Variants in NAT10 observed in about 807,000 individuals in gnomAD.
The protein encoded by NAT10 is RNA cytidine acetyltransferase.
NAT10 carries 109 observed loss-of-function variants against 132.2 expected under a neutral mutation model. The ratio of observed to expected loss-of-function variants is 0.82; its 90% CI spans 0.71 to 0.97. The LOEUF is 0.97. Among genes scored for constraint, NAT10 ranks in the 50% least tolerant of loss-of-function variants. The pLI, the probability that NAT10 is intolerant of heterozygous loss-of-function variation, is 0.00. For synonymous variants in NAT10, 479 were observed against 478.0 expected, an observed-to-expected ratio of 1.00 and a Z score of -0.03; for missense variants, 1,184 against 1,263.4, an observed-to-expected ratio of 0.94 and a Z score of 0.95.
At chr11:34,140,295 C>G in intron 23 of NAT10, 105 bp from the exon 24 acceptor site, 1 of 1,082,382 alleles carries the variant, frequency 9.2e-7, no homozygotes. Context: ...GGCTGCCAGG[C>G]CCTGTTAGAT....
rs1852020844 is a variant in NAT10 at position 34,127,672 on chromosome 11, G to T, written c.1244+73G>T. 6 of 1,523,430 alleles carry T rather than the reference G, an allele frequency of 3.9e-6. No individual in the cohort carries two copies. The African/African-American group carries it at 6.9e-5, about 17-fold the overall frequency. The allele number at this position is 1,523,430 out of a possible 1,614,324, so 94.4% of individuals were successfully genotyped here. A position where few individuals can be genotyped will look rare whatever the true frequency, so the allele number is the denominator to read the frequency against. The stretch of plus-strand genomic sequence containing the variant: ...AGATTTAGGGGCATGTAGTGGATGT[G>T]GCCTGGGCCTGGACAGCCAAGTCTG... On this transcript the variant is annotated intron_variant, in intron 12 of 28. Transcript: ENST00000257829.
chr11:34,117,555 A>C (rs973468935), intron 6 of NAT10, among the ~76,000 whole-genome samples: 1 of 152,188 alleles, frequency 6.6e-6, no homozygotes, highest in Non-Finnish European at 1.5e-5. Flanking sequence ...TCTGTGATGC[A>C]CTAAGTCAGT....
chr11:34,123,317 A>C (rs185901327), intron 9 of NAT10, among the ~76,000 whole-genome samples: 14 of 152,384 alleles, frequency 9.2e-5, no homozygotes, highest in African/African-American at 2.6e-4. Context: ...TAGCTGTAAC[A>C]GTCAGCCTCT....
At position 34,118,416 on chromosome 11, in the gene NAT10, T is replaced by C; in HGVS notation, c.693T>C (p.Ser231=). 1.9e-6 allele frequency: 3 copies of C among 1,614,158 alleles called. No homozygotes were observed. Among genetic ancestry groups the C allele is most frequent in the Non-Finnish European group, 1.7e-6 (2 of 1,180,010 alleles). Reference sequence around the variant, plus strand: ...GGTAGGATGAGAGTCTTGGTCCTTCTGATCTGGAGCTGAGGGAGTTGAAGG... The same window carrying C: ...GGTAGGATGAGAGTCTTGGTCCTTCCGATCTGGAGCTGAGGGAGTTGAAGG... ...PQTPDESLGP[S]DLELRELKES... is the part of the protein sequence containing the mutation. Residue 231 remains serine, a synonymous_variant, in exon 8 of 29, where the codon TCT becomes TCC. Transcript: ENST00000257829.
intron 4 of NAT10, among the ~76,000 whole-genome samples, chr11:34,113,132 G>C (rs1851723954): frequency 1.3e-5 from 2 of 152,140 alleles, no homozygotes; most frequent in South Asian, 4.1e-4. Context: ...TTGCTGCCAT[G>C]ATCAATTGCC....
chr11:34,121,957 C>G (rs991547960), intron 8 of NAT10, among the ~76,000 whole-genome samples: 3 of 151,580 alleles, frequency 2.0e-5, no homozygotes, highest in African/African-American at 7.3e-5. Context: ...AGGCGGATCG[C>G]CTGAGGTTAG....
chr11:34,132,125 G>C lies in NAT10; in HGVS notation c.1521G>C (p.Leu507=). The change falls in exon 15 of 29, where the codon CTG becomes CTC. Residue 507 remains leucine, a splice_region_variant and synonymous_variant. Coordinates refer to ENST00000257829, the MANE Select transcript of NAT10 (RefSeq NM_024662.3). ...TTTGGTTTCTTAACTCCAGACCCAG[G>C]TACTATGTTAATAGAGATACCCTCT... is the stretch of plus-strand genomic sequence containing the variant. The part of the protein sequence containing the change: ...SGCPLPEACE[L]YYVNRDTLFC... 6.2e-7 allele frequency: 1 copy of C among 1,611,910 alleles called. No homozygotes were observed. Among genetic ancestry groups the C allele is most frequent in the Middle Eastern group, 1.7e-4 (1 of 6,060 alleles).
At chr11:34,127,649 A>T (rs1356127144) in intron 12 of NAT10, 50 bp downstream of exon 12, 1 of 1,563,494 alleles carries the variant, frequency 6.4e-7, no homozygotes, top group African/African-American at 1.4e-5. Context: ...GCTCTTGCAG[A>T]TTTAGGGGCA....
chr11:34,135,181 T>C lies in NAT10; in HGVS notation c.1918T>C (p.Tyr640His). The C allele has an allele frequency of 1.9e-6, 3 of 1,613,910 alleles. No homozygotes were observed. The highest frequency in any genetic ancestry group is 2.5e-6 in the Non-Finnish European group (3 of 1,179,780). ...CCTTCACGTTTGCTCCTAGATGGGC[T>C]ATGGCAGCCGTGCTCTGCAGCTGCT... is the stretch of plus-strand genomic sequence containing the variant. ...AVHPDYQGMG[Y>H]GSRALQLLQM... The change falls in exon 19 of 29, where the codon TAT becomes CAT. Residue 640 changes from tyrosine to histidine, a missense_variant. Transcript: ENST00000257829.
Position 34,134,406 on chromosome 11 carries a change from A to G in NAT10, c.1822A>G (p.Thr608Ala). The G allele has an allele frequency of 6.2e-7, 1 of 1,614,146 alleles. No homozygotes were observed. Among genetic ancestry groups the G allele is most frequent in the South Asian group, 1.1e-5 (1 of 91,086 alleles). The change falls in exon 17 of 29, where the codon ACA (threonine) becomes GCA (alanine). Residue 608 changes from threonine to alanine, a missense_variant. Transcript: ENST00000257829. ...KKASGDLIPW[T>A]VSEQFQDPDF... ...GGCTTCAGGGGACCTGATTCCATGGACAGTGTCAGAACAGGTGACGGGCTT... is the reference window on the plus strand; with the variant it reads ...GGCTTCAGGGGACCTGATTCCATGGGCAGTGTCAGAACAGGTGACGGGCTT...
intron 8 of NAT10, among the ~76,000 whole-genome samples, chr11:34,118,814 G>A (rs1466214818): frequency 2.6e-5 from 4 of 152,028 alleles, no homozygotes; most frequent in East Asian, 3.9e-4. Context: ...GCATGATCAC[G>A]GCTCACTGTA....
Position 34,141,730 on chromosome 11 carries a change from A to G in NAT10, c.2724A>G (p.Glu908=). The G allele has an allele frequency of 6.2e-7, 1 of 1,614,076 alleles. No individual in the cohort carries two copies. Among genetic ancestry groups the G allele is most frequent in the African/African-American group, 1.3e-5 (1 of 75,030 alleles). ...IIRKVVKLFN[E]VQEKAIEEQM... is the part of the protein sequence containing the mutation. ...GTTGTCTTTTGTAGCTATTTAATGAAGTTCAGGAAAAGGCCATTGAGGAGC... is the reference window on the plus strand; with the variant it reads ...GTTGTCTTTTGTAGCTATTTAATGAGGTTCAGGAAAAGGCCATTGAGGAGC... Residue 908 remains glutamate, a synonymous_variant, in exon 26 of 29, where the codon GAA becomes GAG. Transcript: ENST00000257829.
At chr11:34,143,549 G>A in intron 28 of NAT10, 21 bp downstream of exon 28, 3 of 1,609,636 alleles carry the variant, frequency 1.9e-6, no homozygotes, top group Non-Finnish European at 1.7e-6. Context: ...AGGGTCTGAT[G>A]TGCATCTGGC....
chr11:34,131,984 CTCT>C, intron 14 of NAT10, 138 bp from the exon 15 acceptor site: 5 of 702,396 alleles, frequency 7.1e-6, no homozygotes, highest in Admixed American at 2.0e-5. Flanking sequence ...GCGCCTGGCC[CTCT>C]TCTTCCTTCT....
At chr11:34,141,446 ACACACG>A (rs1374408930) in intron 25 of NAT10, among the ~76,000 whole-genome samples, 1 of 140,426 alleles carries the variant, frequency 7.1e-6, no homozygotes, top group Non-Finnish European at 1.6e-5. Flanking sequence ...ACACACACAC[ACACACG>A]TGCGCGCGCA....
chr11:34,122,036 C>G (rs1047310215), intron 8 of NAT10, among the ~76,000 whole-genome samples: 2 of 151,714 alleles, frequency 1.3e-5, no homozygotes, highest in South Asian at 2.1e-4. Flanking sequence ...ACTAGCTGGG[C>G]GTGGTGGCAA....
chr11:34,126,183 TCATTTAGATTTTTGTTTTAAAGAACTAA>T (rs1428154541), intron 11 of NAT10, among the ~76,000 whole-genome samples: 1 of 152,246 alleles, frequency 6.6e-6, no homozygotes, highest in Non-Finnish European at 1.5e-5. Flanking sequence ...ATTTCAAATG[TCATTTAGATTTTTGTTTTAAAGAACTAA>T]AACATCACAA....
In NAT10 at chr11:34,132,173, A is replaced by T. The variant is rs748078411; in HGVS notation, c.1569A>T (p.Glu523Asp). 3 of 1,614,166 alleles carry T rather than the reference A, an allele frequency of 1.9e-6. No homozygotes were observed. The highest frequency in any genetic ancestry group is 2.5e-6 in the Non-Finnish European group (3 of 1,180,020). ...DTLFCYHKAS[E>D]VFLQRLMALY... is the part of the protein sequence containing the mutation. ...TCTTTTGCTACCACAAGGCCTCTGAAGTTTTCCTCCAACGGCTTATGGCCC... is the reference window on the plus strand; with the variant it reads ...TCTTTTGCTACCACAAGGCCTCTGATGTTTTCCTCCAACGGCTTATGGCCC... Residue 523 changes from glutamate to aspartate, a missense_variant, in exon 15 of 29, where the codon GAA (glutamate) becomes GAT (aspartate). Transcript: ENST00000257829.
At chr11:34,137,738 A>T (rs1326330683) in intron 21 of NAT10, among the ~76,000 whole-genome samples, 1 of 152,236 alleles carries the variant, frequency 6.6e-6, no homozygotes, top group African/African-American at 2.4e-5. Flanking sequence ...CTTGGACCCT[A>T]ACGTTTAGAG....
Sources: allele counts gnomAD v4.1 joint callset (sites outside exome capture counted in the v4.1 genomes callset), GRCh38; gene constraint gnomAD v4.1.1; transcripts MANE v1.5; gene names NCBI Gene and HGNC (gene_info 2026-07-23, HGNC 2026-07-21).